The following SAFB2 variants were observed in gnomAD, a reference collection of about 807,000 sequenced individuals.
SAFB2 encodes scaffold attachment factor B2.
SAFB2 carries 32 observed loss-of-function variants against 100.6 expected under a neutral mutation model. The ratio of observed to expected loss-of-function variants is 0.32; its 90% CI spans 0.24 to 0.43. The LOEUF is 0.43. Ranked by LOEUF, SAFB2 falls within the 20% of genes least tolerant of loss-of-function variation. The pLI is 1.00. For missense variants in SAFB2, 1,185 were observed against 1,163.4 expected, an observed-to-expected ratio of 1.02 and a Z score of -0.27; for synonymous variants, 500 against 439.4, an observed-to-expected ratio of 1.14 and a Z score of -1.72.
intron 1 of SAFB2, 109 bp from the exon 2 acceptor site, chr19:5,621,505 G>A: frequency 1.3e-6 from 1 of 773,312 alleles, no homozygotes; most frequent in South Asian, 1.4e-5. Context: ...TCCTTGCAAA[G>A]AGCAACTCCG....
rs1368312045 is a variant in SAFB2 at position 5,587,676 on chromosome 19, GTCC to G, written c.2705+22_2705+24del. 208 of 1,539,318 alleles carry G rather than the reference GTCC, an allele frequency of 1.4e-4. No homozygotes were observed. The highest frequency in any genetic ancestry group is 1.3e-4 in the Non-Finnish European group (153 of 1,141,180). On this transcript the variant is annotated intron_variant, in intron 20 of 20. Coordinates refer to ENST00000252542, the MANE Select transcript of SAFB2 (RefSeq NM_014649.3). The surrounding 1 kb of genome is among the most constrained non-coding windows in gnomAD (Gnocchi z 4.9). ...AAGTGAGGAGCAGGAGTGAACCACC[GTCC>G]TCCACGGACGACACACCTTACCCCG...
At chr19:5,599,139 ACG>A (rs765998201) in intron 12 of SAFB2, among the ~76,000 whole-genome samples, 7 of 152,100 alleles carry the variant, frequency 4.6e-5, no homozygotes, top group Non-Finnish European at 1.0e-4. Flanking sequence ...AACCTGCAGC[ACG>A]CACACAAGCA....
intron 6 of SAFB2, 184 bp from the exon 7 acceptor site, chr19:5,611,814 T>C (rs1455469028): frequency 3.1e-6 from 2 of 650,534 alleles, no homozygotes; most frequent in East Asian, 2.9e-5. Context: ...CGACCGCCTC[T>C]AGGTAAGCCT....
Position 5,587,781 on chromosome 19 carries a change from A to G in SAFB2, c.2639-14T>C, listed in dbSNP as rs755323257. 3.2e-6 allele frequency: 5 copies of G among 1,553,246 alleles called. No individual in the cohort carries two copies. The African/African-American group carries it at 6.8e-5, about 21-fold the overall frequency. On this transcript the variant is annotated splice_polypyrimidine_tract_variant and intron_variant, in intron 19 of 20. Transcript: ENST00000252542. This position sits in a 1 kb window ranked among gnomAD's most constrained non-coding sequence, Gnocchi z 4.9. ...CCCTCTCGCCACCTAGAAGAGAAGA[A>G]GGGTCTGCAAACACTCCGTTCCTGG...
chr19:5,613,117 C>A (rs958221128), intron 5 of SAFB2, among the ~76,000 whole-genome samples: 5 of 152,200 alleles, frequency 3.3e-5, no homozygotes, highest in African/African-American at 1.2e-4. Context: ...GCTCCCCTCT[C>A]TCTTTTGCAT....
Position 5,600,243 on chromosome 19 carries a change from T to G in SAFB2, c.1577A>C (p.Glu526Ala). ...IKIEKTVIKKEEKIEKKEEKK... is the reference protein window; with the variant it reads ...IKIEKTVIKKAEKIEKKEEKK... ...TTCCTCCTTCTTCTCAATCTTCTCTTCCTTCTTAATTACAGTTCTATTTAA... is the reference window on the plus strand; with the variant it reads ...TTCCTCCTTCTTCTCAATCTTCTCTGCCTTCTTAATTACAGTTCTATTTAA... Residue 526 changes from glutamate (E) to alanine (A), a missense_variant, in exon 12 of 21, where the codon GAA becomes GCA. Around this residue, in one of 3 missense-constraint regions of SAFB2, gnomAD observed 740 missense variants for 687.1 expected, o/e 1.08. Transcript: ENST00000252542. The G allele has an allele frequency of 6.2e-7, 1 of 1,612,886 alleles. No homozygotes were observed. Among genetic ancestry groups the G allele is most frequent in the Non-Finnish European group, 8.5e-7 (1 of 1,179,532 alleles).
chr19:5,609,595 T>A (rs2052861172), intron 9 of SAFB2, among the ~76,000 whole-genome samples: 2 of 152,174 alleles, frequency 1.3e-5, no homozygotes, highest in Non-Finnish European at 1.5e-5. Flanking sequence ...TCTCATCATG[T>A]AAGCTTTAAG....
chr19:5,594,080 T>C lies in SAFB2; in HGVS notation c.2018A>G (p.Gln673Arg). 6.3e-7 allele frequency: 1 copy of C among 1,596,652 alleles called. No homozygotes were observed. Among genetic ancestry groups the C allele is most frequent in the Non-Finnish European group, 8.5e-7 (1 of 1,176,422 alleles). The change falls in exon 15 of 21, where the codon CAG becomes CGG. Residue 673 changes from glutamine to arginine, a missense_variant. Around this residue, in one of 3 missense-constraint regions of SAFB2, gnomAD observed 740 missense variants for 687.1 expected, o/e 1.08. Transcript: ENST00000252542. ...GCGCTCCCGCTCCAGCCGCTGGCGC[T>C]GGCACTCGAGCTGCAGGCGTTCCCG... is the stretch of plus-strand genomic sequence containing the variant. ...LQRERLQLECQRQRLERERME... is the reference protein window; with the variant it reads ...LQRERLQLECRRQRLERERME...
At chr19:5,603,643 A>T (rs1042026394) in intron 11 of SAFB2, among the ~76,000 whole-genome samples, 5 of 152,218 alleles carry the variant, frequency 3.3e-5, no homozygotes, top group Admixed American at 6.5e-5. Context: ...AAGGTACCCC[A>T]AGGTGCCACC....
At chr19:5,602,767 T>A (rs963300059) in intron 11 of SAFB2, among the ~76,000 whole-genome samples, 27 of 152,134 alleles carry the variant, frequency 1.8e-4, no homozygotes, top group Admixed American at 2.0e-4. Flanking sequence ...GAAAAACAAT[T>A]AATGAAACAC....
At chr19:5,590,450 C>T in intron 17 of SAFB2, 42 bp from the exon 18 acceptor site, 2 of 1,543,112 alleles carry the variant, frequency 1.3e-6, no homozygotes, top group Non-Finnish European at 1.8e-6. Context: ...GACCATGTCA[C>T]CCACATAGGC....
At chr19:5,610,432 T>A (rs915654940) in intron 8 of SAFB2, 36 of 606,754 alleles carry the variant, frequency 5.9e-5, no homozygotes, top group Middle Eastern at 2.6e-4. Context: ...CTTTTCACCA[T>A]CCCATAGATG....
At position 5,587,552 on chromosome 19, in the gene SAFB2, C is replaced by G. The variant is rs1411100134; in HGVS notation, c.2705+149G>C. 11 of 1,460,604 alleles carry G rather than the reference C, an allele frequency of 7.5e-6. No homozygotes were observed. In the Admixed American group the frequency reaches 7.8e-5, roughly 10 times the overall value. 90.5% of individuals were successfully genotyped at this position (1,460,604 alleles called of 1,614,324 possible). ...ATCGCACATTGTATTCCAGGTAACT[C>G]AAGAGCGTTATTTGCATAAATTGCA... is the stretch of plus-strand genomic sequence containing the variant. On this transcript the variant is annotated intron_variant, in intron 20 of 20. Coordinates refer to ENST00000252542, the MANE Select transcript of SAFB2 (RefSeq NM_014649.3). This position sits in a 1 kb window ranked among gnomAD's most constrained non-coding sequence, Gnocchi z 4.9.
Position 5,610,090 on chromosome 19 carries a change from C to A in SAFB2, c.1201G>T (p.Val401Phe), listed in dbSNP as rs139201217. 5.6e-6 allele frequency: 9 copies of A among 1,614,028 alleles called. No individual in the cohort carries two copies. The highest frequency in any genetic ancestry group is 6.8e-6 in the Non-Finnish European group (8 of 1,179,952). The change falls in exon 9 of 21, where the codon GTC (valine) becomes TTC (phenylalanine). Residue 401 changes from valine (V) to phenylalanine (F), a missense_variant. Physicochemically the swap from Val to Phe is conservative, Grantham distance 50 (BLOSUM62 -1). Transcript: ENST00000252542. ...KPIIKDEKGR[V>F]GSGSGRNLWV... Reference sequence around the variant, plus strand: ...AGGTTCCGACCAGAACCGCTGCCGACCCGACCTGGCACGAGAGGGAGATTC... The same window carrying A: ...AGGTTCCGACCAGAACCGCTGCCGAACCGACCTGGCACGAGAGGGAGATTC...
At chr19:5,606,811 C>T (rs1472924942) in intron 9 of SAFB2, among the ~76,000 whole-genome samples, 1 of 152,138 alleles carries the variant, frequency 6.6e-6, no homozygotes, top group Non-Finnish European at 1.5e-5. Context: ...GAAACAAGAA[C>T]GTATCACCAG....
Position 5,600,184 on chromosome 19 carries a change from C to G in SAFB2, c.1636G>C (p.Asp546His), listed in dbSNP as rs749746857. The G allele has an allele frequency of 6.2e-7, 1 of 1,614,118 alleles. No individual in the cohort carries two copies. Among genetic ancestry groups the G allele is most frequent in the East Asian group, 2.2e-5 (1 of 44,876 alleles). The change falls in exon 12 of 21, where the codon GAC becomes CAC. Residue 546 changes from aspartate (D) to histidine (H), a missense_variant. Asp to His is a moderately conservative substitution (Grantham distance 81). Transcript: ENST00000252542. The part of the protein sequence containing the change: ...KPEDIKKEEK[D>H]QDELKPGPTN... ...GGTCCGGGTTTCAGCTCATCCTGGT[C>G]TTTTTCTTCCTTCTTAATGTCTTCA...
rs528465445 is a variant in SAFB2 at position 5,591,140 on chromosome 19, G to A, written c.2394+608C>T. ...TCTTGGGGGACCCCACAGGCACTAA[G>A]ACCCAAAGGCTCCCTGAGCAAGTGG... On this transcript the variant is annotated intron_variant, in intron 17 of 20. Transcript: ENST00000252542. Among the ~76,000 whole-genome samples, 7 of 152,240 alleles carry A rather than the reference G, an allele frequency of 4.6e-5. No individual in the cohort carries two copies. The South Asian group carries it at 1.5e-3, about 32-fold the overall frequency.
At chr19:5,596,345 C>T (rs1259250710) in intron 13 of SAFB2, among the ~76,000 whole-genome samples, 4 of 152,210 alleles carry the variant, frequency 2.6e-5, no homozygotes, top group South Asian at 2.1e-4. Flanking sequence ...AGCCAACTTC[C>T]GTAATTTATT....
Position 5,610,674 on chromosome 19 carries a change from TC to T in SAFB2, c.1159del (p.Glu387LysfsTer4). 1 of 1,565,880 alleles carries T rather than the reference TC, an allele frequency of 6.4e-7. No homozygotes were observed. The highest frequency in any genetic ancestry group is 8.8e-7 in the Non-Finnish European group (1 of 1,142,800). On this transcript the variant is annotated frameshift_variant, in exon 8 of 21. Coordinates refer to ENST00000252542, the MANE Select transcript of SAFB2 (RefSeq NM_014649.3). LOFTEE classifies it high-confidence loss of function. ...TTTAATGATTGGCTTTATATCTTTT[TC>T]TTCCTTAAAAGAGCTAGAGACAAAA... ...ADQKMSSFKE[E>X]KDIKPIIKDE...
Sources: gnomAD v4.1 joint callset for allele counts (sites outside exome capture counted in the v4.1 genomes callset) on GRCh38, gnomAD v4.1.1 for gene constraint, gnomAD v4.1.1 regional missense constraint, Gnocchi (gnomAD v3.1) non-coding constraint, MANE v1.5 for transcripts, NCBI Gene and HGNC (gene_info 2026-07-23, HGNC 2026-07-21) for gene names.